The following B3GALNT2 variants were observed in gnomAD, a reference collection of about 807,000 sequenced individuals.
B3GALNT2 encodes the protein UDP-GalNAc:beta-1,3-N-acetylgalactosaminyltransferase 2.
Under a neutral mutation model 61.1 loss-of-function variants are expected in B3GALNT2, and 53 were observed. The observed-to-expected ratio is 0.87, with a 90% CI of 0.70 to 1.09. B3GALNT2 has a LOEUF of 1.09. Among genes scored for constraint, B3GALNT2 ranks in the 50% least tolerant of loss-of-function variants. The pLI is 0.00. For synonymous variants in B3GALNT2, 223 were observed against 237.4 expected (o/e 0.94, Z 0.56); for missense variants, 544 against 623.0 (o/e 0.87, Z 1.35).
intron 1 of B3GALNT2, among the ~76,000 whole-genome samples, chr1:235,499,386 A>AAATTTGTGT (rs1342875912): frequency 3.3e-5 from 5 of 152,174 alleles, no homozygotes; most frequent in South Asian, 2.1e-4. Context: ...GGGTGTGTTC[A>AAATTTGTGT]ATTTGTGAAA....
In B3GALNT2 at chr1:235,447,811, G is replaced by A. The variant is rs868821534; in HGVS notation, c.*2395C>T. Among the ~76,000 whole-genome samples the A allele has an allele frequency of 6.6e-6, 1 of 152,074 alleles. No homozygotes were observed. The highest frequency in any genetic ancestry group is 1.5e-5 in the Non-Finnish European group (1 of 68,018). On this transcript the variant is annotated 3_prime_UTR_variant, in exon 12 of 12. Coordinates refer to ENST00000366600, the MANE Select transcript of B3GALNT2 (RefSeq NM_152490.5). ...AATGGTATGAAACTCACTGTCAAAG[G>A]GCACTTAGGTCCGTTGGCTCCGTTT...
chr1:235,456,801 T>G (rs1425894819), intron 8 of B3GALNT2, among the ~76,000 whole-genome samples: 2 of 152,230 alleles, frequency 1.3e-5, no homozygotes. Context: ...GGGCTGACTC[T>G]TAGCCCTGAC....
downstream of B3GALNT2, among the ~76,000 whole-genome samples, chr1:235,445,800 A>G (rs1389458578): frequency 3.3e-5 from 5 of 152,202 alleles, no homozygotes; most frequent in Non-Finnish European, 5.9e-5. Flanking sequence ...CTGACCAAGC[A>G]TTGTATCTTG....
At position 235,470,841 on chromosome 1, in the gene B3GALNT2, AC is replaced by A. The variant is rs754890407; in HGVS notation, c.762+8del. ...ATATGCAATTAAACCTTAAAAAAAA[AC>A]GACTTACTGTAATGACTCTGAGAAC... On this transcript the variant is annotated splice_region_variant and intron_variant, in intron 6 of 11. Transcript: ENST00000366600. 1.1e-5 allele frequency: 18 copies of A among 1,608,940 alleles called. No homozygotes were observed. Among genetic ancestry groups the A allele is most frequent in the African/African-American group, 2.7e-5 (2 of 74,576 alleles).
intron 5 of B3GALNT2, among the ~76,000 whole-genome samples, chr1:235,472,951 C>A (rs1684071313): frequency 6.6e-6 from 1 of 152,084 alleles, no homozygotes; most frequent in Non-Finnish European, 1.5e-5. Flanking sequence ...CTCTGTAGCC[C>A]AGGCTGGAGT....
chr1:235,442,467 G>A (rs1053756973), downstream of B3GALNT2, among the ~76,000 whole-genome samples: 1 of 145,892 alleles, frequency 6.9e-6, no homozygotes, highest in Non-Finnish European at 1.5e-5. Flanking sequence ...ACCGCGCCCT[G>A]TCAAAGAAAT....
chr1:235,491,545 C>G (rs892323868), intron 2 of B3GALNT2, among the ~76,000 whole-genome samples: 3 of 152,176 alleles, frequency 2.0e-5, no homozygotes, highest in Admixed American at 6.6e-5. Flanking sequence ...GAGCTTCTTT[C>G]CCATGAAACC....
intron 5 of B3GALNT2, 64 bp downstream of exon 5, chr1:235,479,990 A>T: frequency 6.3e-7 from 1 of 1,589,348 alleles, no homozygotes; most frequent in Non-Finnish European, 8.6e-7. Flanking sequence ...CTGCCCCTGA[A>T]AGCACACGCC....
intron 5 of B3GALNT2, among the ~76,000 whole-genome samples, chr1:235,473,755 C>CTTAAATTTTTTTCCTTTTTGCTT (rs1684113854): frequency 6.6e-6 from 1 of 152,022 alleles, no homozygotes; most frequent in African/African-American, 2.4e-5. Context: ...AAGAGGAAAG[C>CTTAAATTTTTTTCCTTTTTGCTT]AAAAAGGAAA....
intron 4 of B3GALNT2, among the ~76,000 whole-genome samples, chr1:235,480,965 G>C (rs1029089801): frequency 5.7e-5 from 7 of 122,914 alleles, no homozygotes; most frequent in African/African-American, 2.2e-4. Flanking sequence ...TTTTCACTAT[G>C]TCTATCGTTT....
Position 235,448,237 on chromosome 1 carries a change from A to AAAAG in B3GALNT2, c.*1965_*1968dup. The stretch of plus-strand genomic sequence containing the variant: ...GTCAGTCTCAAAAAAAAAAAAAAAA[A>AAAAG]AAAGACAGATACAGCTATCATTGCA... On this transcript the variant is annotated 3_prime_UTR_variant, in exon 12 of 12. Coordinates refer to ENST00000366600, the MANE Select transcript of B3GALNT2 (RefSeq NM_152490.5). 1 of 841,280 alleles carries AAAAG rather than the reference A, an allele frequency of 1.2e-6. No individual in the cohort carries two copies. The highest frequency in any genetic ancestry group is 1.7e-5 in the African/African-American group (1 of 57,770). 52.1% of individuals were successfully genotyped at this position (841,280 alleles called of 1,614,324 possible). A position where few individuals can be genotyped will look rare whatever the true frequency, so the allele number is the denominator to read the frequency against.
Position 235,449,707 on chromosome 1 carries a change from G to A in B3GALNT2, c.*499C>T, listed in dbSNP as rs1335113289. ...TTATTTCCAGAAACCCCAAACTTTG[G>A]TATAAGTGACCACTGCTCAAATATG... On this transcript the variant is annotated 3_prime_UTR_variant, in exon 12 of 12. Coordinates refer to ENST00000366600, the MANE Select transcript of B3GALNT2 (RefSeq NM_152490.5). 1.3e-5 allele frequency: 2 copies of A among 152,586 alleles called. No homozygotes were observed. Among genetic ancestry groups the A allele is most frequent in the Admixed American group, 6.5e-5 (1 of 15,332 alleles). The allele number at this position is 152,586 out of a possible 1,614,324, so 9.5% of individuals were successfully genotyped here.
chr1:235,475,705 T>C lies in B3GALNT2; in HGVS notation c.651+4349A>G, dbSNP rs191904551. 4.6e-3 allele frequency among the ~76,000 whole-genome samples: 695 copies of C among 150,652 alleles called. 5 individuals are homozygous for C. The highest frequency in any genetic ancestry group is 0.016 in the African/African-American group (669 of 41,440). ...TTAATTGCTAAAAGTTTATTTTTTC[T>C]TTCTATTATATAAAGCTAATATATG... is the stretch of plus-strand genomic sequence containing the variant. On this transcript the variant is annotated intron_variant, in intron 5 of 11. Transcript: ENST00000366600.
intron 3 of B3GALNT2, among the ~76,000 whole-genome samples, chr1:235,485,655 T>C (rs1296212641): frequency 6.6e-6 from 1 of 152,220 alleles, no homozygotes; most frequent in South Asian, 2.1e-4. Flanking sequence ...AAGCAGTTCA[T>C]AGGCAGGGAA....
intron 7 of B3GALNT2, among the ~76,000 whole-genome samples, chr1:235,462,477 T>C (rs1683481022): frequency 6.6e-6 from 1 of 152,182 alleles, no homozygotes; most frequent in African/African-American, 2.4e-5. Context: ...AGGTCTAACT[T>C]TAAAATGATT....
intron 7 of B3GALNT2, among the ~76,000 whole-genome samples, chr1:235,462,062 G>C (rs1475109249): frequency 2.0e-5 from 3 of 152,172 alleles, no homozygotes; most frequent in Non-Finnish European, 2.9e-5. Flanking sequence ...CATTCGGCAG[G>C]CTAAGTGTAT....
In B3GALNT2 at chr1:235,468,540, C is replaced by T. The variant is rs1247362353; in HGVS notation, c.762+2310G>A. On this transcript the variant is annotated intron_variant, in intron 6 of 11. Transcript: ENST00000366600. ...CGATCTTGGCTCACTGCAACCTCCA[C>T]CTCCTGGGTTCAAGCAATTCTCCTG... 1.5e-4 allele frequency among the ~76,000 whole-genome samples: 22 copies of T among 150,604 alleles called. No homozygotes were observed. The Admixed American group carries it at 1.5e-3, about 10-fold the overall frequency.
At chr1:235,480,290 T>C in intron 4 of B3GALNT2, 141 bp from the exon 5 acceptor site, 2 of 1,331,774 alleles carry the variant, frequency 1.5e-6, no homozygotes, top group Non-Finnish European at 2.0e-6. Context: ...TCTACTGTGG[T>C]TTTGGCATCA....
At chr1:235,485,123 A>C (rs1050414183) in intron 3 of B3GALNT2, among the ~76,000 whole-genome samples, 1 of 152,202 alleles carries the variant, frequency 6.6e-6, no homozygotes, top group African/African-American at 2.4e-5. Context: ...TTATATCTTC[A>C]CTACTACCCT....
Sources: gnomAD v4.1 joint callset for allele counts (sites outside exome capture counted in the v4.1 genomes callset) on GRCh38, gnomAD v4.1.1 for gene constraint, MANE v1.5 for transcripts, NCBI Gene and HGNC (gene_info 2026-07-23, HGNC 2026-07-21) for gene names.